Variants in CDK14 observed in about 807,000 individuals in gnomAD.
CDK14 encodes cyclin-dependent kinase 14.
A neutral mutation model predicts 60.7 loss-of-function variants in CDK14; 34 were observed. The observed-to-expected ratio is 0.56, with a 90% CI of 0.43 to 0.75. The LOEUF (loss-of-function observed/expected upper bound fraction) is 0.75. Among genes scored for constraint, CDK14 ranks in the 30% least tolerant of loss-of-function variants. The probability of loss-of-function intolerance (pLI) is 0.00; values close to 1 mark genes in which losing one functional copy is unlikely to be tolerated. For synonymous variants in CDK14, 197 were observed against 203.7 expected, an observed-to-expected ratio of 0.97 and a Z score of 0.28; for missense variants, 482 against 564.1, an observed-to-expected ratio of 0.85 and a Z score of 1.47.
chr7:91,070,566 A>G (rs995412041), intron 11 of CDK14, among the ~76,000 whole-genome samples: 1 of 152,124 alleles, frequency 6.6e-6, no homozygotes, highest in African/African-American at 2.4e-5. Context: ...TGAGACCAGC[A>G]TGGGCAACAT....
rs1796187508 is a variant in CDK14, at chr7:91,012,395, T to C, written c.1041+28154T>C. On this transcript the variant is annotated intron_variant, in intron 10 of 14. Transcript: ENST00000380050. ...CTTAACTGAATCATCAAGGGGACTT[T>C]CTGCAGATCTTCATAGTTTTCTCTT... Among the ~76,000 whole-genome samples the C allele has an allele frequency of 2.6e-5, 4 of 152,202 alleles. No homozygotes were observed. In the South Asian group the frequency reaches 8.3e-4, roughly 32 times the overall value.
chr7:90,635,070 C>T (rs1314579201), intron 2 of CDK14, among the ~76,000 whole-genome samples: 1 of 151,880 alleles, frequency 6.6e-6, no homozygotes, highest in Non-Finnish European at 1.5e-5. Flanking sequence ...AAATTTTCTC[C>T]CATTTTGTAG....
At chr7:91,146,979 G>T (rs532897706) in intron 14 of CDK14, among the ~76,000 whole-genome samples, 16 of 152,074 alleles carry the variant, frequency 1.1e-4, no homozygotes, top group African/African-American at 3.9e-4. Flanking sequence ...CATGTATCTT[G>T]CAGGATGTCG....
chr7:91,005,344 C>T (rs1432144262), intron 10 of CDK14, among the ~76,000 whole-genome samples: 2 of 152,232 alleles, frequency 1.3e-5, no homozygotes, highest in Non-Finnish European at 2.9e-5. Flanking sequence ...TTCAGGGTCC[C>T]TCCAGCACCA....
chr7:90,902,940 C>A (rs966130072), intron 7 of CDK14, among the ~76,000 whole-genome samples: 32 of 152,070 alleles, frequency 2.1e-4, no homozygotes, highest in Non-Finnish European at 1.5e-4. Context: ...CCTGAAAAAA[C>A]CTGTCTTGGA....
chr7:91,156,580 C>G (rs1800990751), intron 14 of CDK14, among the ~76,000 whole-genome samples: 1 of 152,154 alleles, frequency 6.6e-6, no homozygotes, highest in Admixed American at 6.5e-5. Flanking sequence ...AGAGCAGAAG[C>G]AATTCGTACT....
At chr7:90,678,670 A>T (rs1400311394) in intron 2 of CDK14, among the ~76,000 whole-genome samples, 1 of 152,150 alleles carries the variant, frequency 6.6e-6, no homozygotes, top group Middle Eastern at 3.2e-3. Flanking sequence ...AGAGGATTTA[A>T]TGAAGAAGGA....
intron 11 of CDK14, among the ~76,000 whole-genome samples, chr7:91,072,172 T>G (rs1267727434): frequency 6.6e-6 from 1 of 152,132 alleles, no homozygotes; most frequent in African/African-American, 2.4e-5. Context: ...ACAACCAAAG[T>G]GCTTCATTAA....
intron 6 of CDK14, among the ~76,000 whole-genome samples, chr7:90,870,903 T>C (rs1393667961): frequency 6.6e-6 from 1 of 152,222 alleles, no homozygotes; most frequent in Non-Finnish European, 1.5e-5. Context: ...TTCAACAGAC[T>C]AGTGAACTAG....
At chr7:90,700,722 A>T (rs1801765853) in intron 2 of CDK14, among the ~76,000 whole-genome samples, 1 of 152,188 alleles carries the variant, frequency 6.6e-6, no homozygotes, top group East Asian at 1.9e-4. Context: ...AGTATTCAGA[A>T]TTTGATTACC....
chr7:90,677,004 G>A (rs1467773981), intron 2 of CDK14, among the ~76,000 whole-genome samples: 1 of 151,588 alleles, frequency 6.6e-6, no homozygotes, highest in Admixed American at 6.6e-5. Flanking sequence ...GGGAAGTAAT[G>A]ATGTATGCAA....
intron 2 of CDK14, among the ~76,000 whole-genome samples, chr7:90,666,572 C>A (rs1463230900): frequency 1.3e-5 from 2 of 152,114 alleles, no homozygotes; most frequent in Admixed American, 6.5e-5. Flanking sequence ...TTTATTTGAC[C>A]GTGTAACACT....
chr7:90,596,542 G>T lies in CDK14; in HGVS notation c.-86G>T. 2 of 1,175,368 alleles carry T rather than the reference G, an allele frequency of 1.7e-6. No individual in the cohort carries two copies. The highest frequency in any genetic ancestry group is 2.5e-5 in the South Asian group (2 of 79,078). 72.8% of individuals were successfully genotyped at this position (1,175,368 alleles called of 1,614,324 possible). ...AGGAGGTGGTGGAGGAGGAGGCGCC[G>T]CTTTCCCCGCGGCGCGCGCCCTCGC... On this transcript the variant is annotated 5_prime_UTR_variant, in exon 1 of 15. Transcript: ENST00000380050.
intron 4 of CDK14, among the ~76,000 whole-genome samples, chr7:90,764,303 C>T (rs1247469120): frequency 2.0e-5 from 3 of 151,964 alleles, no homozygotes; most frequent in Non-Finnish European, 2.9e-5. Flanking sequence ...CCTTACTACT[C>T]GTAACATAAA....
chr7:90,869,484 T>C (rs956277306), intron 6 of CDK14, among the ~76,000 whole-genome samples: 4 of 152,212 alleles, frequency 2.6e-5, no homozygotes, highest in Middle Eastern at 3.2e-3. Context: ...GGTTTGGCTG[T>C]ACTGAGTTTG....
chr7:90,704,288 TAGATG>T (rs1410876983), intron 2 of CDK14, among the ~76,000 whole-genome samples: 1 of 152,232 alleles, frequency 6.6e-6, no homozygotes, highest in African/African-American at 2.4e-5. Context: ...ATTTCCAACT[TAGATG>T]AAGTTCATAA....
chr7:90,879,603 G>A (rs186346234), intron 6 of CDK14, among the ~76,000 whole-genome samples: 259 of 152,238 alleles, frequency 1.7e-3, no homozygotes, highest in Non-Finnish European at 3.2e-3. Flanking sequence ...AGTTGTAGAT[G>A]TGTGGTGTTA....
chr7:90,807,314 C>A (rs952520414), intron 5 of CDK14, among the ~76,000 whole-genome samples: 3 of 152,156 alleles, frequency 2.0e-5, no homozygotes, highest in African/African-American at 4.8e-5. Flanking sequence ...TTCACCAATA[C>A]CTGCTGTTCT....
chr7:91,198,525 C>T (rs1328049652), intron 14 of CDK14, among the ~76,000 whole-genome samples: 1 of 152,130 alleles, frequency 6.6e-6, no homozygotes, highest in Non-Finnish European at 1.5e-5. Flanking sequence ...TACTACAGGC[C>T]TCTTGGGCTT....
Sources: allele counts gnomAD v4.1 joint callset (sites outside exome capture counted in the v4.1 genomes callset), GRCh38; gene constraint gnomAD v4.1.1; transcripts MANE v1.5; gene names NCBI Gene and HGNC (gene_info 2026-07-23, HGNC 2026-07-21).